GARNL3: variants seen among roughly 807,000 people sequenced by gnomAD.
GARNL3 encodes GTPase activating Rap/RanGAP domain like 3.
GARNL3 carries 63 observed loss-of-function variants against 125.0 expected under a neutral mutation model. The observed-to-expected ratio is 0.50, with a 90% CI of 0.41 to 0.62. The LOEUF (loss-of-function observed/expected upper bound fraction) is 0.62, where lower values mean the gene tolerates loss of function less well. Ranked by LOEUF, GARNL3 falls within the 20% of genes least tolerant of loss-of-function variation. The probability of loss-of-function intolerance (pLI) is 0.00; values close to 1 mark genes in which losing one functional copy is unlikely to be tolerated. For missense variants in GARNL3, 994 were observed against 1,244.0 expected (o/e 0.80, Z 3.02); for synonymous variants, 439 against 457.5 (o/e 0.96, Z 0.52).
intron 26 of GARNL3, among the ~76,000 whole-genome samples, chr9:127,390,153 C>T (rs1189616274): frequency 1.3e-5 from 2 of 152,190 alleles, no homozygotes; most frequent in Non-Finnish European, 2.9e-5. Context: ...AGTAATATTC[C>T]CTGAACAACT....
intron 4 of GARNL3, among the ~76,000 whole-genome samples, chr9:127,317,681 G>A (rs1359456009): frequency 4.6e-5 from 7 of 151,984 alleles, no homozygotes; most frequent in South Asian, 2.1e-4. Context: ...ACACCACTGC[G>A]CTCCAGCCTA....
At chr9:127,380,618 G>A (rs1454214540) in intron 22 of GARNL3, among the ~76,000 whole-genome samples, 1 of 152,202 alleles carries the variant, frequency 6.6e-6, no homozygotes, top group Non-Finnish European at 1.5e-5. Flanking sequence ...AAAAAGGAAT[G>A]ATGCACTGAC....
At position 127,286,328 on chromosome 9, in the gene GARNL3, A is replaced by G. The variant is rs111831576; in HGVS notation, c.145-4840A>G. On this transcript the variant is annotated intron_variant, in intron 1 of 27. Transcript: ENST00000373387. ...CTTTCTACACCATGTAGGCTGATCT[A>G]CCTTCACTAGTAGTTCTCCTTTAGT... Among the ~76,000 whole-genome samples, 132 of 152,202 alleles carry G rather than the reference A, an allele frequency of 8.7e-4. 1 individual carries two copies. Among genetic ancestry groups the G allele is most frequent in the African/African-American group, 3.0e-3 (124 of 41,528 alleles).
chr9:127,224,615 T>G (rs1429683818), intron 1 of GARNL3: 1 of 152,410 alleles, frequency 6.6e-6, no homozygotes, highest in East Asian at 2.0e-4. Flanking sequence ...GGAGCTACAA[T>G]AGAAAGGGCC....
At chr9:127,340,692 AT>A (rs1468056177) in intron 13 of GARNL3, among the ~76,000 whole-genome samples, 1 of 150,884 alleles carries the variant, frequency 6.6e-6, no homozygotes, top group Non-Finnish European at 1.5e-5. Flanking sequence ...TCAAGGAAGC[AT>A]TGACTGAGCC....
intron 2 of GARNL3, among the ~76,000 whole-genome samples, chr9:127,243,567 G>A (rs935174196): frequency 1.1e-4 from 17 of 152,292 alleles, no homozygotes; most frequent in African/African-American, 3.6e-4. Flanking sequence ...CTAGCAATTT[G>A]TAATAAGCTC....
intron 2 of GARNL3, among the ~76,000 whole-genome samples, chr9:127,297,743 C>T (rs1341142158): frequency 6.6e-6 from 1 of 152,196 alleles, no homozygotes; most frequent in African/African-American, 2.4e-5. Context: ...TTAAAATTTA[C>T]ATCTTTATTA....
chr9:127,237,637 TC>T (rs767432659), intron 1 of GARNL3, among the ~76,000 whole-genome samples: 2 of 152,184 alleles, frequency 1.3e-5, no homozygotes, highest in African/African-American at 2.4e-5. Flanking sequence ...AGCCAAAGGT[TC>T]CCTGTACATG....
At chr9:127,284,274 A>G (rs531130338) in intron 1 of GARNL3, among the ~76,000 whole-genome samples, 1 of 152,338 alleles carries the variant, frequency 6.6e-6, no homozygotes, top group East Asian at 1.9e-4. Context: ...TTGCCATTTC[A>G]TTGAACTTTT....
chr9:127,367,171 C>A (rs1008515549), intron 22 of GARNL3: 1 of 152,322 alleles, frequency 6.6e-6, no homozygotes, highest in Non-Finnish European at 1.5e-5. Flanking sequence ...AAACAGTTCT[C>A]TCCCCACGGT....
At chr9:127,358,442 C>T (rs1384199868) in intron 21 of GARNL3, among the ~76,000 whole-genome samples, 2 of 152,220 alleles carry the variant, frequency 1.3e-5, no homozygotes, top group Non-Finnish European at 2.9e-5. Context: ...CACAGGCTAC[C>T]TCCAGTCCTG....
intron 17 of GARNL3, among the ~76,000 whole-genome samples, chr9:127,349,988 C>T (rs1313750810): frequency 6.6e-6 from 1 of 152,140 alleles, no homozygotes; most frequent in Admixed American, 6.5e-5. Context: ...GCACATTTAC[C>T]GAACACCTGC....
At chr9:127,338,041 C>A in intron 11 of GARNL3, 75 bp from the exon 12 acceptor site, 1 of 1,096,344 alleles carries the variant, frequency 9.1e-7, no homozygotes, top group Non-Finnish European at 1.4e-6. Flanking sequence ...TGACTCTGCA[C>A]AAGGGATTTT....
At chr9:127,312,908 A>G (rs1421197804) in intron 3 of GARNL3, among the ~76,000 whole-genome samples, 1 of 152,198 alleles carries the variant, frequency 6.6e-6, no homozygotes, top group African/African-American at 2.4e-5. Context: ...AGGTGCAGTA[A>G]CAGAAAACCT....
intron 2 of GARNL3, among the ~76,000 whole-genome samples, chr9:127,249,447 A>G (rs1022476579): frequency 2.6e-5 from 4 of 151,804 alleles, no homozygotes; most frequent in African/African-American, 9.7e-5. Context: ...TTAGCTGGGC[A>G]TGGTGGTGTG....
At position 127,264,786 on chromosome 9, in the gene GARNL3, G is replaced by T. The variant is rs2063666168; in HGVS notation, c.-92G>T. On this transcript the variant is annotated 5_prime_UTR_variant, in exon 1 of 28. It removes an upstream start codon present in the reference 5' UTR. Coordinates refer to ENST00000373387, the MANE Select transcript of GARNL3 (RefSeq NM_032293.5). ...CTCCATGAAAGCCAGGCTCTGCAAT[G>T]GCTGCTGGGGACTGTGTCTGTTGCA... 3 of 1,297,874 alleles carry T rather than the reference G, an allele frequency of 2.3e-6. No homozygotes were observed. The highest frequency in any genetic ancestry group is 3.0e-5 in the East Asian group (1 of 33,488). 80.4% of individuals were successfully genotyped at this position (1,297,874 alleles called of 1,614,324 possible). A position where few individuals can be genotyped will look rare whatever the true frequency, so the allele number is the denominator to read the frequency against.
intron 1 of GARNL3, among the ~76,000 whole-genome samples, chr9:127,230,954 C>T (rs755695616): frequency 2.3e-5 from 3 of 128,216 alleles, no homozygotes; most frequent in Non-Finnish European, 4.6e-5. Context: ...TACAGGCAAA[C>T]GATATATATG....
chr9:127,250,352 C>T (rs1409585005), intron 2 of GARNL3, among the ~76,000 whole-genome samples: 3 of 152,154 alleles, frequency 2.0e-5, no homozygotes, highest in Non-Finnish European at 2.9e-5. Flanking sequence ...CAGTCATACA[C>T]GTTTCAAAAG....
Position 127,266,284 on chromosome 9 carries a change from A to T in GARNL3, c.144+1263A>T, listed in dbSNP as rs2063704408. ...AGGGGTCTCAGAGACACACCATGGA[A>T]GACCTTGCAGAGAGCTGTGGGATGT... On this transcript the variant is annotated intron_variant, in intron 1 of 27. Coordinates refer to ENST00000373387, the MANE Select transcript of GARNL3 (RefSeq NM_032293.5). This position sits in a 1 kb window ranked among gnomAD's most constrained non-coding sequence, Gnocchi z 4.0. 6.6e-6 allele frequency among the ~76,000 whole-genome samples: 1 copy of T among 152,218 alleles called. No homozygotes were observed. Among genetic ancestry groups the T allele is most frequent in the Non-Finnish European group, 1.5e-5 (1 of 68,034 alleles).
Sources: gnomAD v4.1 joint callset for allele counts (sites outside exome capture counted in the v4.1 genomes callset) on GRCh38, gnomAD v4.1.1 for gene constraint, Gnocchi (gnomAD v3.1) non-coding constraint, MANE v1.5 for transcripts, NCBI Gene and HGNC (gene_info 2026-07-23, HGNC 2026-07-21) for gene names.